GRIA1: variants seen among roughly 807,000 people sequenced by gnomAD.
GRIA1 encodes glutamate ionotropic receptor AMPA type subunit 1.
In GRIA1, 31 loss-of-function variants were observed where a neutral mutation model predicts 99.2. The ratio of observed to expected loss-of-function variants is 0.31; its 90% CI spans 0.23 to 0.42. The LOEUF is 0.42. Among genes scored for constraint, GRIA1 ranks in the 10% least tolerant of loss-of-function variants. GRIA1 has a pLI of 1.00. For synonymous variants in GRIA1, 438 were observed against 432.4 expected (o/e 1.01, Z -0.16); for missense variants, 782 against 1,157.5 (o/e 0.68, Z 4.71).
At chr5:153,671,292 A>T (rs577523352) in intron 5 of GRIA1, among the ~76,000 whole-genome samples, 1 of 152,340 alleles carries the variant, frequency 6.6e-6, no homozygotes, top group African/African-American at 2.4e-5. Flanking sequence ...GGACCTTGTT[A>T]CAGATTTTCA....
intron 13 of GRIA1, among the ~76,000 whole-genome samples, chr5:153,783,262 A>G (rs1308695111): frequency 6.6e-6 from 1 of 152,146 alleles, no homozygotes; most frequent in African/African-American, 2.4e-5. Context: ...TGGCTCTTGT[A>G]CTGAATAGTG....
In GRIA1 at chr5:153,764,753, T is replaced by C; in HGVS notation, c.2022+121T>C. On this transcript the variant is annotated intron_variant, in intron 12 of 15. Coordinates refer to ENST00000285900, the MANE Select transcript of GRIA1 (RefSeq NM_000827.4). ...GCCAGAGCAAGTGCTTAACTGACTG[T>C]AAGTCAGGGAAACTCAGGACATTTC... is the stretch of plus-strand genomic sequence containing the variant. The C allele has an allele frequency of 4.4e-6, 3 of 683,666 alleles. No homozygotes were observed. In the South Asian group the frequency reaches 5.4e-5, roughly 12 times the overall value. 42.3% of individuals were successfully genotyped at this position (683,666 alleles called of 1,614,324 possible).
chr5:153,494,882 G>C (rs1047040426), intron 2 of GRIA1, among the ~76,000 whole-genome samples: 1 of 152,144 alleles, frequency 6.6e-6, no homozygotes, highest in Non-Finnish European at 1.5e-5. Flanking sequence ...AGGGAAATGT[G>C]AGCTGAATTC....
chr5:153,775,054 T>C (rs1419858269), intron 13 of GRIA1, among the ~76,000 whole-genome samples: 3 of 152,216 alleles, frequency 2.0e-5, no homozygotes, highest in Non-Finnish European at 4.4e-5. Flanking sequence ...TAAAGACCTA[T>C]GCAGCCAACG....
rs1479211690 is a variant in GRIA1 at position 153,666,164 on chromosome 5, TA to T, written c.700-8329del. Reference sequence around the variant, plus strand: ...TGAGTGGTGACAGGATTGAAGCTTATAAAAAAATCATGAGAGGGTGAGAAGA... The same window carrying T: ...TGAGTGGTGACAGGATTGAAGCTTATAAAAAATCATGAGAGGGTGAGAAGA... On this transcript the variant is annotated intron_variant, in intron 5 of 15. Coordinates refer to ENST00000285900, the MANE Select transcript of GRIA1 (RefSeq NM_000827.4). Among the ~76,000 whole-genome samples the T allele has an allele frequency of 3.4e-4, 52 of 152,220 alleles. No homozygotes were observed. The East Asian group carries it at 9.8e-3, about 29-fold the overall frequency.
chr5:153,634,247 G>A (rs1753186684), intron 2 of GRIA1, among the ~76,000 whole-genome samples: 1 of 151,844 alleles, frequency 6.6e-6, no homozygotes, highest in African/African-American at 2.4e-5. Flanking sequence ...GAACCCGGGA[G>A]GTGGAGCTTG....
chr5:153,762,439 G>A (rs955375864), intron 11 of GRIA1, among the ~76,000 whole-genome samples: 1 of 152,158 alleles, frequency 6.6e-6, no homozygotes, highest in Non-Finnish European at 1.5e-5. Context: ...GATGAAAAGA[G>A]CACTGGGATA....
At chr5:153,601,658 G>C (rs1764975855) in intron 2 of GRIA1, among the ~76,000 whole-genome samples, 1 of 152,238 alleles carries the variant, frequency 6.6e-6, no homozygotes, top group South Asian at 2.1e-4. Context: ...CAAGTGGCCA[G>C]AGAACAAATT....
chr5:153,811,186 C>T lies in GRIA1; in HGVS notation c.2682C>T (p.Ser894=), dbSNP rs149914583. The T allele has an allele frequency of 1.0e-4, 167 of 1,614,080 alleles. No individual in the cohort carries two copies. The African/African-American group carries it at 1.8e-3, about 17-fold the overall frequency. ...PKSMQSIPCM[S]HSSGMPLGAT... is the part of the protein sequence containing the mutation. ...CCATGCAATCGATTCCTTGCATGAG[C>T]CACAGTTCAGGGATGCCCTTGGGAG... The change falls in exon 16 of 16, where the codon AGC becomes AGT. Residue 894 remains serine, a synonymous_variant. Transcript: ENST00000285900.
At chr5:153,539,452 C>T (rs1041523182) in intron 2 of GRIA1, among the ~76,000 whole-genome samples, 4 of 152,180 alleles carry the variant, frequency 2.6e-5, no homozygotes, top group African/African-American at 7.2e-5. Context: ...AATGTGCATA[C>T]GCATTGTGAG....
At chr5:153,669,282 A>G (rs1290149253) in intron 5 of GRIA1, among the ~76,000 whole-genome samples, 1 of 152,180 alleles carries the variant, frequency 6.6e-6, no homozygotes, top group Non-Finnish European at 1.5e-5. Context: ...AATTACAGTA[A>G]CCTCAAAACT....
intron 13 of GRIA1, among the ~76,000 whole-genome samples, chr5:153,779,038 C>G (rs1764465982): frequency 6.6e-6 from 1 of 152,034 alleles, no homozygotes; most frequent in East Asian, 1.9e-4. Flanking sequence ...TTGTTTCTTT[C>G]AGCAATGTAA....
At position 153,676,940 on chromosome 5, in the gene GRIA1, C is replaced by T. The variant is rs1033154959; in HGVS notation, c.862-54C>T. 1.1e-5 allele frequency: 15 copies of T among 1,322,486 alleles called. No individual in the cohort carries two copies. In the East Asian group the frequency reaches 3.9e-4, roughly 34 times the overall value. 81.9% of individuals were successfully genotyped at this position (1,322,486 alleles called of 1,614,324 possible). A position where few individuals can be genotyped will look rare whatever the true frequency, so the allele number is the denominator to read the frequency against. ...ACATTCCCAAATACAGCACCCAAAC[C>T]TGCCTTCCTGTCAGCTCTCTTTGAT... On this transcript the variant is annotated intron_variant, in intron 6 of 15. Transcript: ENST00000285900.
At chr5:153,529,515 A>G (rs1280884094) in intron 2 of GRIA1, among the ~76,000 whole-genome samples, 1 of 152,190 alleles carries the variant, frequency 6.6e-6, no homozygotes, top group Non-Finnish European at 1.5e-5. Context: ...TGGACAGTAT[A>G]AGTTGGTCTC....
chr5:153,724,263 G>T (rs1760325553), intron 11 of GRIA1, among the ~76,000 whole-genome samples: 1 of 147,214 alleles, frequency 6.8e-6, no homozygotes, highest in Non-Finnish European at 1.5e-5. Flanking sequence ...CATCATCAAA[G>T]ACCAAAAGTA....
intron 11 of GRIA1, among the ~76,000 whole-genome samples, chr5:153,742,380 A>G (rs568488496): frequency 6.6e-6 from 1 of 151,428 alleles, no homozygotes; most frequent in African/African-American, 2.5e-5. Flanking sequence ...ACCTGTACTT[A>G]TTCTTATTCA....
intron 11 of GRIA1, among the ~76,000 whole-genome samples, chr5:153,726,568 A>C (rs1253102530): frequency 6.6e-6 from 1 of 152,122 alleles, no homozygotes; most frequent in African/African-American, 2.4e-5. Context: ...TATCACCACC[A>C]ATCCCACAGA....
intron 2 of GRIA1, among the ~76,000 whole-genome samples, chr5:153,547,931 T>A (rs191954554): frequency 3.1e-4 from 47 of 152,286 alleles, no homozygotes; most frequent in Admixed American, 1.6e-3. Context: ...CAGATATAAT[T>A]ATCACTAAAG....
intron 2 of GRIA1, among the ~76,000 whole-genome samples, chr5:153,514,387 C>T (rs1288778294): frequency 2.0e-5 from 3 of 152,148 alleles, no homozygotes; most frequent in Non-Finnish European, 4.4e-5. Context: ...GAAAACGGTC[C>T]AATTCAATTC....
Sources: gnomAD v4.1 joint callset for allele counts (sites outside exome capture counted in the v4.1 genomes callset) on GRCh38, gnomAD v4.1.1 for gene constraint, MANE v1.5 for transcripts, NCBI Gene and HGNC (gene_info 2026-07-23, HGNC 2026-07-21) for gene names.